CDH2: variants seen among roughly 807,000 people sequenced by gnomAD.
CDH2 encodes cadherin 2.
A neutral mutation model predicts 92.0 loss-of-function variants in CDH2; 17 were observed. The ratio of observed to expected loss-of-function variants is 0.18; its 90% confidence interval spans 0.13 to 0.28. The LOEUF (loss-of-function observed/expected upper bound fraction) is 0.28. CDH2 is among the 10% of genes least tolerant of loss of function. CDH2 has a pLI of 1.00. For synonymous variants in CDH2, 419 were observed against 415.9 expected, an observed-to-expected ratio of 1.01 and a Z score of -0.09; for missense variants, 862 against 1,133.1, an observed-to-expected ratio of 0.76 and a Z score of 3.44.
chr18:28,066,487 G>C (rs1027164178), intron 2 of CDH2, among the ~76,000 whole-genome samples: 1 of 152,060 alleles, frequency 6.6e-6, no homozygotes, highest in African/African-American at 2.4e-5. Context: ...GAATTGTATT[G>C]ACAACCCCCT....
chr18:28,169,552 T>C (rs1169259920), intron 1 of CDH2, among the ~76,000 whole-genome samples: 3 of 152,186 alleles, frequency 2.0e-5, no homozygotes, highest in African/African-American at 7.2e-5. Context: ...AAAGAAAATC[T>C]GGGCATACAT....
intron 9 of CDH2, among the ~76,000 whole-genome samples, chr18:27,992,428 T>C (rs1387809081): frequency 1.3e-5 from 2 of 152,146 alleles, no homozygotes; most frequent in Non-Finnish European, 2.9e-5. Context: ...ATAAAACTCA[T>C]TCAAAAACCC....
At chr18:28,093,897 T>C (rs2015079866) in intron 2 of CDH2, among the ~76,000 whole-genome samples, 1 of 152,052 alleles carries the variant, frequency 6.6e-6, no homozygotes, top group South Asian at 2.1e-4. Context: ...CTGAGGCATG[T>C]TTGGAGGTCT....
rs753614802 is a variant in CDH2 at position 28,007,156 on chromosome 18, T to TAAAAAAAA, written c.703-1171_703-1164dup. On this transcript the variant is annotated intron_variant, in intron 5 of 15. Coordinates refer to ENST00000269141, the MANE Select transcript of CDH2 (RefSeq NM_001792.5). The stretch of plus-strand genomic sequence containing the variant: ...GCCTGGGCAACAGAGTGAGACTCCA[T>TAAAAAAAA]AAAAAAAAAATATATATATATATAT... 4.4e-3 allele frequency among the ~76,000 whole-genome samples: 473 copies of TAAAAAAAA among 106,516 alleles called. 2 individuals carry two copies. Among genetic ancestry groups the TAAAAAAAA allele is most frequent in the Non-Finnish European group, 6.2e-3 (349 of 55,844 alleles). 69.9% of individuals were successfully genotyped at this position (106,516 alleles called of 152,430 possible).
chr18:28,141,449 C>T (rs1298680154), intron 2 of CDH2, among the ~76,000 whole-genome samples: 1 of 151,964 alleles, frequency 6.6e-6, no homozygotes, highest in Non-Finnish European at 1.5e-5. Flanking sequence ...GGTTGCTCAA[C>T]ACTGTGAATG....
At chr18:28,103,922 A>C (rs1319612564) in intron 2 of CDH2, among the ~76,000 whole-genome samples, 1 of 151,910 alleles carries the variant, frequency 6.6e-6, no homozygotes, top group Non-Finnish European at 1.5e-5. Flanking sequence ...AATACTATTA[A>C]TTTTTTTTGG....
chr18:27,968,745 T>G (rs531326184), intron 14 of CDH2, among the ~76,000 whole-genome samples: 14 of 152,116 alleles, frequency 9.2e-5, no homozygotes, highest in Non-Finnish European at 2.1e-4. Flanking sequence ...AATCCCCATA[T>G]AGATAAGGTA....
At chr18:27,965,175 G>C (rs1254533597) in intron 14 of CDH2, among the ~76,000 whole-genome samples, 1 of 152,066 alleles carries the variant, frequency 6.6e-6, no homozygotes, top group Non-Finnish European at 1.5e-5. Flanking sequence ...AAAACCATGA[G>C]TGTCTGACTT....
intron 2 of CDH2, among the ~76,000 whole-genome samples, chr18:28,140,893 A>AAG (rs1382138167): frequency 1.0e-5 from 1 of 99,272 alleles, no homozygotes; most frequent in Non-Finnish European, 2.1e-5. Flanking sequence ...TTCTCCAAAC[A>AAG]AGATATATAT....
chr18:28,170,952 G>A (rs1292507510), intron 1 of CDH2, among the ~76,000 whole-genome samples: 1 of 151,156 alleles, frequency 6.6e-6, no homozygotes, highest in Non-Finnish European at 1.5e-5. Flanking sequence ...GAGGAGGCCA[G>A]GAGCAGTGGC....
chr18:28,064,910 G>A (rs17494241), intron 2 of CDH2, among the ~76,000 whole-genome samples: 1,878 of 152,142 alleles, frequency 0.012, 48 homozygotes, highest in African/African-American at 0.043. Flanking sequence ...CTGAAAGTGA[G>A]GGTCCTGAAC....
intron 2 of CDH2, among the ~76,000 whole-genome samples, chr18:28,094,722 A>G (rs2144219419): frequency 6.7e-6 from 1 of 148,282 alleles, no homozygotes; most frequent in Admixed American, 6.8e-5. Context: ...TGAACCCGGG[A>G]AGCGGAGCTT....
chr18:28,158,987 A>T (rs1401499098), intron 1 of CDH2, among the ~76,000 whole-genome samples: 2 of 152,184 alleles, frequency 1.3e-5, no homozygotes, highest in Non-Finnish European at 1.5e-5. Flanking sequence ...TAAATATATA[A>T]TTTTTTCAGT....
In CDH2 at chr18:28,177,015, C is replaced by T. The variant is rs1323181717; in HGVS notation, c.8G>A (p.Arg3Gln). 6 of 1,485,392 alleles carry T rather than the reference C, an allele frequency of 4.0e-6. No homozygotes were observed. In the African/African-American group the frequency reaches 4.3e-5, roughly 11 times the overall value. 92.0% of individuals were successfully genotyped at this position (1,485,392 alleles called of 1,614,324 possible). A position where few individuals can be genotyped will look rare whatever the true frequency, so the allele number is the denominator to read the frequency against. Reference protein sequence around the residue: MCRIAGALRTLLP... With the variant: MCQIAGALRTLLP... ...CAGGGTCCGCAGCGCTCCCGCTATC[C>T]GGCACATGGAGGCGGAGAGGGGCCG... Residue 3 changes from arginine (R) to glutamine (Q), a missense_variant, in exon 1 of 16, where the codon CGG becomes CAG. Coordinates refer to ENST00000269141, the MANE Select transcript of CDH2 (RefSeq NM_001792.5).
intron 2 of CDH2, among the ~76,000 whole-genome samples, chr18:28,016,476 TCTA>T (rs2013249360): frequency 6.6e-6 from 1 of 152,158 alleles, no homozygotes; most frequent in African/African-American, 2.4e-5. Context: ...TTCAAAAAAT[TCTA>T]CTTTTTATTA....
At chr18:27,934,803 G>A (rs1054370996) in intron 6 of CDH2, among the ~76,000 whole-genome samples, 1 of 151,896 alleles carries the variant, frequency 6.6e-6, no homozygotes. Flanking sequence ...ATTTGGGCCC[G>A]GCAGACTCCA....
chr18:28,152,643 G>C (rs2016142456), intron 1 of CDH2, among the ~76,000 whole-genome samples: 1 of 152,198 alleles, frequency 6.6e-6, no homozygotes, highest in African/African-American at 2.4e-5. Context: ...GTTGAGGCTG[G>C]AGAGTTAGAC....
intron 2 of CDH2, among the ~76,000 whole-genome samples, chr18:28,123,589 GCTCCATC>G (rs2015626958): frequency 6.6e-6 from 1 of 152,100 alleles, no homozygotes; most frequent in Admixed American, 6.6e-5. Context: ...CAAATGCATT[GCTCCATC>G]CTGGCTCATA....
intron 2 of CDH2, among the ~76,000 whole-genome samples, chr18:28,102,518 T>C (rs2015243646): frequency 6.6e-6 from 1 of 152,178 alleles, no homozygotes; most frequent in South Asian, 2.1e-4. Flanking sequence ...AGGTTTCTTT[T>C]CACACTGACT....
Sources: allele counts gnomAD v4.1 joint callset (sites outside exome capture counted in the v4.1 genomes callset), GRCh38; gene constraint gnomAD v4.1.1; transcripts MANE v1.5; gene names NCBI Gene and HGNC (gene_info 2026-07-23, HGNC 2026-07-21).